The following BCAR3 variants were observed in gnomAD, a reference collection of about 807,000 sequenced individuals.
The protein encoded by BCAR3 is breast cancer anti-estrogen resistance protein 3.
Under a neutral mutation model 80.1 loss-of-function variants are expected in BCAR3, and 37 were observed. The ratio of observed to expected loss-of-function variants is 0.46; its 90% CI spans 0.36 to 0.61. BCAR3 has a LOEUF of 0.61. Among genes scored for constraint, BCAR3 ranks in the 20% least tolerant of loss-of-function variants. The pLI, the probability that BCAR3 is intolerant of heterozygous loss-of-function variation, is 0.00. For missense variants in BCAR3, 978 were observed against 1,068.2 expected (o/e 0.92, Z 1.18); for synonymous variants, 389 against 418.9 (o/e 0.93, Z 0.87).
chr1:93,609,067 G>T (rs889463173), intron 3 of BCAR3, among the ~76,000 whole-genome samples: 14 of 152,076 alleles, frequency 9.2e-5, no homozygotes, highest in African/African-American at 3.1e-4. Context: ...CCACACACAC[G>T]CACCGCCACA....
In BCAR3 at chr1:93,831,911, T is replaced by A. The variant is rs76304699; in HGVS notation, c.-63+13656A>T. Among the ~76,000 whole-genome samples the A allele has an allele frequency of 1.2e-4, 19 of 152,340 alleles. No individual in the cohort carries two copies. In the East Asian group the frequency reaches 3.1e-3, roughly 25 times the overall value. ...CAAGGTTAATGCTCCTTTTACTTTA[T>A]CTGACCTCTCCCAAATAAGTTAGCA... On this transcript the variant is annotated intron_variant, in intron 2 of 13. Coordinates refer to the BCAR3 transcript ENST00000370244.
rs74672652 is a variant in BCAR3 at position 93,804,350 on chromosome 1, T to G, written c.-63+41217A>C. On this transcript the variant is annotated intron_variant, in intron 2 of 13. Transcript: ENST00000370244. The stretch of plus-strand genomic sequence containing the variant: ...TATTATGCATACCTATGATAAAGTT[T>G]AATTTACAAACTAGGCACAGTAAGA... Among the ~76,000 whole-genome samples the G allele has an allele frequency of 7.8e-3, 1,192 of 152,296 alleles. 14 individuals carry two copies. The highest frequency in any genetic ancestry group is 0.028 in the African/African-American group (1,152 of 41,546).
At position 93,592,439 on chromosome 1, in the gene BCAR3, C is replaced by G; in HGVS notation, c.358-46G>C. ...TGAGCTCACCCTGCCCAGGCCACAC[C>G]AGGCCATGCCAGCTGGAGGTGACCG... On this transcript the variant is annotated intron_variant, in intron 3 of 11. Coordinates refer to ENST00000260502, the MANE Select transcript of BCAR3 (RefSeq NM_003567.4). This position sits in a 1 kb window ranked among gnomAD's most constrained non-coding sequence, Gnocchi z 4.8. 1 of 1,532,498 alleles carries G rather than the reference C, an allele frequency of 6.5e-7. No individual in the cohort carries two copies. Among genetic ancestry groups the G allele is most frequent in the South Asian group, 1.2e-5 (1 of 80,918 alleles). 94.9% of individuals were successfully genotyped at this position (1,532,498 alleles called of 1,614,324 possible).
At chr1:93,564,812 T>C (rs1028206911) in intron 11 of BCAR3, among the ~76,000 whole-genome samples, 7 of 152,228 alleles carry the variant, frequency 4.6e-5, no homozygotes, top group South Asian at 2.1e-4. Context: ...AAATCAACTG[T>C]CAGCCATATG....
At chr1:93,783,854 T>C (rs1245795175) in intron 2 of BCAR3, among the ~76,000 whole-genome samples, 4 of 152,324 alleles carry the variant, frequency 2.6e-5, no homozygotes, top group Non-Finnish European at 4.4e-5. Context: ...TCTCCTCCCC[T>C]TGAACCCAGG....
intron 1 of BCAR3, among the ~76,000 whole-genome samples, chr1:93,678,165 G>A (rs1408337739): frequency 6.6e-6 from 1 of 152,140 alleles, no homozygotes; most frequent in African/African-American, 2.4e-5. Context: ...TCTGTGGGCG[G>A]GACATTAGCA....
chr1:93,780,611 T>C (rs1652732226), intron 2 of BCAR3, among the ~76,000 whole-genome samples: 1 of 152,108 alleles, frequency 6.6e-6, no homozygotes, highest in African/African-American at 2.4e-5. Context: ...GGATTTTCTT[T>C]GCAGAAAGGG....
intron 2 of BCAR3, chr1:93,845,464 A>ATT (rs1655121722): frequency 1.3e-3 from 5 of 3,968 alleles, no homozygotes; most frequent in East Asian, 4.8e-3. Context: ...TAACAATTTT[A>ATT]TATATATATA....
chr1:93,629,229 C>T lies in BCAR3; in HGVS notation c.357+13075G>A, dbSNP rs553348225. ...GCTCCTCCCACTGTTCTCTCCTGCT[C>T]CAGTCAGCCTGGGCACACGCTGTCT... On this transcript the variant is annotated intron_variant, in intron 3 of 11. Coordinates refer to ENST00000260502, the MANE Select transcript of BCAR3 (RefSeq NM_003567.4). Among the ~76,000 whole-genome samples the T allele has an allele frequency of 6.6e-5, 10 of 152,302 alleles. No individual in the cohort carries two copies. The South Asian group carries it at 1.9e-3, about 28-fold the overall frequency.
chr1:93,680,459 T>G (rs569649291), intron 1 of BCAR3, among the ~76,000 whole-genome samples: 2 of 152,278 alleles, frequency 1.3e-5, no homozygotes, highest in East Asian at 3.9e-4. Flanking sequence ...CCTTCCCACT[T>G]GGACCTGTGT....
intron 5 of BCAR3, 75 bp downstream of exon 5, chr1:93,588,902 G>T: frequency 7.1e-7 from 1 of 1,404,184 alleles, no homozygotes; most frequent in Non-Finnish European, 9.6e-7. Context: ...GTTCCATGAT[G>T]AATTCTTCAC....
At chr1:93,630,242 G>A (rs1267919343) in intron 3 of BCAR3, among the ~76,000 whole-genome samples, 2 of 152,136 alleles carry the variant, frequency 1.3e-5, no homozygotes, top group South Asian at 2.1e-4. Context: ...ACGCCCTTGT[G>A]CATCTGGTGT....
intron 2 of BCAR3, among the ~76,000 whole-genome samples, chr1:93,645,821 C>T (rs1041605305): frequency 4.6e-5 from 7 of 151,578 alleles, no homozygotes. Context: ...CTCTAGCACA[C>T]CAAACTTTTT....
At chr1:93,799,287 T>C (rs1256522887) in intron 2 of BCAR3, among the ~76,000 whole-genome samples, 1 of 152,214 alleles carries the variant, frequency 6.6e-6, no homozygotes, top group South Asian at 2.1e-4. Flanking sequence ...AGCTGATAAT[T>C]TGGATGGCTC....
upstream of BCAR3, among the ~76,000 whole-genome samples, chr1:93,686,242 C>T (rs1485796211): frequency 2.0e-5 from 3 of 152,056 alleles, no homozygotes; most frequent in Non-Finnish European, 4.4e-5. Context: ...AAATAATTGA[C>T]AAGAGTTATT....
chr1:93,718,312 A>C (rs1477788382), intron 2 of BCAR3, among the ~76,000 whole-genome samples: 3 of 152,214 alleles, frequency 2.0e-5, no homozygotes, highest in Non-Finnish European at 4.4e-5. Flanking sequence ...CCCTAGAAAG[A>C]CTGAAACCAC....
chr1:93,838,683 A>C (rs12139561), intron 2 of BCAR3, among the ~76,000 whole-genome samples: 15,308 of 152,172 alleles, frequency 0.1, 981 homozygotes, highest in East Asian at 0.18. Context: ...ACCATTCTAC[A>C]AACGCAGTTA....
At chr1:93,581,390 T>A (rs934525532) in intron 7 of BCAR3, among the ~76,000 whole-genome samples, 18 of 152,138 alleles carry the variant, frequency 1.2e-4, no homozygotes, top group Non-Finnish European at 2.1e-4. Flanking sequence ...TGTGGTTTTA[T>A]CTTTTAATCT....
At chr1:93,660,053 CGTGTGTGT>C (rs76729025) in intron 2 of BCAR3, among the ~76,000 whole-genome samples, 1 of 147,236 alleles carries the variant, frequency 6.8e-6, no homozygotes, top group Non-Finnish European at 1.5e-5. Flanking sequence ...AATAAATGAA[CGTGTGTGT>C]GTGTGTGTGT....
Sources: allele counts gnomAD v4.1 joint callset (sites outside exome capture counted in the v4.1 genomes callset), GRCh38; gene constraint gnomAD v4.1.1; non-coding constraint Gnocchi (gnomAD v3.1); transcripts MANE v1.5; gene names NCBI Gene and HGNC (gene_info 2026-07-23, HGNC 2026-07-21).